Variants in GLRA2 observed in about 807,000 individuals in gnomAD.
GLRA2 encodes glycine receptor subunit alpha-2.
Under a neutral mutation model 31.6 loss-of-function variants are expected in GLRA2, and 11 were observed. That is an observed-to-expected ratio of 0.35 (90% CI 0.22 to 0.58). The LOEUF is 0.58. GLRA2 is among the 20% of genes least tolerant of loss of function. The pLI is 0.84. For missense variants in GLRA2, 212 were observed against 351.8 expected (o/e 0.60, Z 3.18); for synonymous variants, 132 against 134.0 (o/e 0.99, Z 0.10).
At chrX:14,536,280 C>T (rs771206057) in intron 2 of GLRA2, among the ~76,000 whole-genome samples, 3 of 112,295 alleles carry the variant, frequency 2.7e-5, no homozygotes, top group South Asian at 7.3e-4. Flanking sequence ...ATGATCATGT[C>T]TGTAGTCAAG....
chrX:14,596,838 T>TTA (rs2090210816), intron 4 of GLRA2, among the ~76,000 whole-genome samples: 1 of 111,043 alleles, frequency 9.0e-6, no homozygotes. Flanking sequence ...CTGGGCTGCT[T>TTA]TATCAAGAGG....
upstream of GLRA2, among the ~76,000 whole-genome samples, chrX:14,527,613 C>CG (rs1013389680): frequency 2.2e-4 from 23 of 103,151 alleles, no homozygotes; most frequent in African/African-American, 6.8e-4. Context: ...GACTCCATCT[C>CG]GGGAAAAAAA....
At chrX:14,542,820 C>T (rs761385777) in intron 2 of GLRA2, among the ~76,000 whole-genome samples, 47 of 109,917 alleles carry the variant, frequency 4.3e-4, no homozygotes, top group African/African-American at 1.4e-3. Context: ...TGTGTCTAAA[C>T]GCCAAAAGAG....
intron 7 of GLRA2, among the ~76,000 whole-genome samples, chrX:14,629,247 G>A (rs1230871554): frequency 9.0e-6 from 1 of 111,296 alleles, no homozygotes; most frequent in Non-Finnish European, 1.9e-5. Context: ...ACTCAGGCAT[G>A]AATAATAGAG....
At chrX:14,493,606 C>CGT in the GLRA2 span, among the ~76,000 whole-genome samples, 1 of 99,344 alleles carries the variant, frequency 1.0e-5, no homozygotes, top group African/African-American at 3.9e-5. Context: ...CATATATACA[C>CGT]ATATACACAT....
At chrX:14,612,496 A>G (rs763919820) in intron 7 of GLRA2, among the ~76,000 whole-genome samples, 1 of 111,763 alleles carries the variant, frequency 8.9e-6, no homozygotes, top group South Asian at 3.8e-4. Flanking sequence ...AGGATTATAA[A>G]TCATTCTATG....
chrX:14,709,501 A>G (rs1349956689), intron 8 of GLRA2, among the ~76,000 whole-genome samples: 1 of 112,238 alleles, frequency 8.9e-6, no homozygotes, highest in Non-Finnish European at 1.9e-5. Flanking sequence ...ACTCTTGGAA[A>G]TGCACTACAG....
chrX:14,618,121 T>C (rs1274762649), intron 7 of GLRA2, among the ~76,000 whole-genome samples: 1 of 112,189 alleles, frequency 8.9e-6, no homozygotes, highest in Non-Finnish European at 1.9e-5. Flanking sequence ...AAACCACTCT[T>C]AAAATTTACC....
intron 4 of GLRA2, among the ~76,000 whole-genome samples, 194 bp from the exon 5 acceptor site, chrX:14,604,121 C>T (rs954397017): frequency 1.8e-5 from 2 of 109,892 alleles, no homozygotes; most frequent in Non-Finnish European, 1.9e-5. Context: ...TGGTGAAATA[C>T]TACAATATTT....
chrX:14,477,254 G>C, the GLRA2 span, among the ~76,000 whole-genome samples: 2 of 111,756 alleles, frequency 1.8e-5, no homozygotes, highest in African/African-American at 6.5e-5. Flanking sequence ...AATTTCCCAA[G>C]GTTCTTTATT....
intron 7 of GLRA2, among the ~76,000 whole-genome samples, chrX:14,684,112 G>A (rs1243689800): frequency 9.0e-6 from 1 of 111,455 alleles, no homozygotes; most frequent in African/African-American, 3.3e-5. Context: ...GTTTGTCAAA[G>A]ATCAGATGGT....
chrX:14,554,291 A>T (rs1448227389), intron 2 of GLRA2, among the ~76,000 whole-genome samples: 1 of 111,587 alleles, frequency 9.0e-6, no homozygotes, highest in African/African-American at 3.3e-5. Flanking sequence ...GACATAGAAA[A>T]CCTGTTTCCT....
chrX:14,493,131 A>G, the GLRA2 span, among the ~76,000 whole-genome samples: 1 of 111,488 alleles, frequency 9.0e-6, no homozygotes, highest in African/African-American at 3.3e-5. Context: ...AGAGACACAT[A>G]CATTCAAACC....
At chrX:14,615,055 T>C (rs1181750321) in intron 7 of GLRA2, among the ~76,000 whole-genome samples, 1 of 111,894 alleles carries the variant, frequency 8.9e-6, no homozygotes, top group African/African-American at 3.2e-5. Context: ...TGTAAGGCTT[T>C]AGTAAAAATG....
At chrX:14,654,871 C>T (rs966705785) in intron 7 of GLRA2, among the ~76,000 whole-genome samples, 7 of 111,739 alleles carry the variant, frequency 6.3e-5, no homozygotes, top group Non-Finnish European at 1.3e-4. Flanking sequence ...TCTCACATGG[C>T]AGCAGACAAG....
intron 2 of GLRA2, among the ~76,000 whole-genome samples, chrX:14,563,011 A>G (rs980348005): frequency 1.8e-5 from 2 of 112,719 alleles, no homozygotes; most frequent in African/African-American, 6.4e-5. Context: ...CAATTGAAAT[A>G]TACAATAGAC....
At chrX:14,721,820 G>C (rs1191960130) in intron 8 of GLRA2, among the ~76,000 whole-genome samples, 1 of 111,494 alleles carries the variant, frequency 9.0e-6, no homozygotes, top group Non-Finnish European at 1.9e-5. Flanking sequence ...GCAGCTAAAA[G>C]CCAAGCAGCA....
At chrX:14,728,927 G>C (rs1247181812) in intron 8 of GLRA2, among the ~76,000 whole-genome samples, 1 of 112,004 alleles carries the variant, frequency 8.9e-6, no homozygotes, top group South Asian at 3.7e-4. Flanking sequence ...TCCCCATTTT[G>C]CACATGATCA....
chrX:14,654,939 G>A (rs1353721949), intron 7 of GLRA2, among the ~76,000 whole-genome samples: 1 of 111,182 alleles, frequency 9.0e-6, no homozygotes, highest in Admixed American at 9.5e-5. Context: ...CAGATCTTGT[G>A]AGACTTATTC....
Sources: gnomAD v4.1 joint callset for allele counts (sites outside exome capture counted in the v4.1 genomes callset) on GRCh38, gnomAD v4.1.1 for gene constraint, MANE v1.5 for transcripts, NCBI Gene and HGNC (gene_info 2026-07-23, HGNC 2026-07-21) for gene names.